The following GRIN2C variants were observed in gnomAD, a reference collection of about 807,000 sequenced individuals.
GRIN2C encodes glutamate receptor ionotropic, NMDA 2C.
GRIN2C carries 64 observed loss-of-function variants against 77.7 expected under a neutral mutation model. The observed-to-expected ratio is 0.82, with a 90% CI of 0.67 to 1.01. GRIN2C has a LOEUF of 1.01. Ranked by LOEUF, GRIN2C falls within the 50% of genes least tolerant of loss-of-function variation. GRIN2C has a pLI of 0.00. For missense variants in GRIN2C, 1,549 were observed against 1,486.0 expected, an observed-to-expected ratio of 1.04 and a Z score of -0.70; for synonymous variants, 792 against 643.4, an observed-to-expected ratio of 1.23 and a Z score of -3.49.
In GRIN2C at chr17:74,852,363, C is replaced by T. The variant is rs756610419; in HGVS notation, c.648G>A (p.Leu216=). The T allele has an allele frequency of 1.4e-5, 20 of 1,452,074 alleles. No homozygotes were observed. The highest frequency in any genetic ancestry group is 1.7e-5 in the Non-Finnish European group (19 of 1,110,250). 89.9% of individuals were successfully genotyped at this position (1,452,074 alleles called of 1,614,324 possible). The stretch of plus-strand genomic sequence containing the variant: ...CAAACACGGGCGCGTCGAGCTGGCG[C>T]AGCAGGCGCTGCGTGCGCGCGCGCG... The part of the protein sequence containing the change: ...GGPRARTQRL[L]RQLDAPVFVA... The change falls in exon 3 of 13, where the codon CTG becomes CTA. Residue 216 remains leucine (L), a synonymous_variant. Coordinates refer to ENST00000293190, the MANE Select transcript of GRIN2C (RefSeq NM_000835.6).
Position 74,852,614 on chromosome 17 carries a change from G to T in GRIN2C, c.400-3C>A. 2.5e-6 allele frequency: 3 copies of T among 1,193,938 alleles called. No individual in the cohort carries two copies. Among genetic ancestry groups the T allele is most frequent in the Non-Finnish European group, 3.1e-6 (3 of 961,546 alleles). 74.0% of individuals were successfully genotyped at this position (1,193,938 alleles called of 1,614,324 possible). ...TGCAGGAAGGCGGAGCCCGGCTCCTGGGGGCGGGCGGGGCCTGAGCGGGGC... is the reference window on the plus strand; with the variant it reads ...TGCAGGAAGGCGGAGCCCGGCTCCTTGGGGCGGGCGGGGCCTGAGCGGGGC... On this transcript the variant is annotated splice_region_variant and splice_polypyrimidine_tract_variant and intron_variant, in intron 2 of 12. Transcript: ENST00000293190.
rs1472826917 is a variant in GRIN2C, at chr17:74,847,059, C to T, written c.2002-139G>A. ...AAGGTCTTAAAGGCTGTCCAGGCCA[C>T]TCCTGTGTTTTCCAAATGGAGACTC... is the stretch of plus-strand genomic sequence containing the variant. On this transcript the variant is annotated intron_variant, in intron 9 of 12. Transcript: ENST00000293190. This position sits in a 1 kb window ranked among gnomAD's most constrained non-coding sequence, Gnocchi z 5.2. 1 of 912,750 alleles carries T rather than the reference C, an allele frequency of 1.1e-6. No homozygotes were observed. Among genetic ancestry groups the T allele is most frequent in the Admixed American group, 2.7e-5 (1 of 36,412 alleles). 56.5% of individuals were successfully genotyped at this position (912,750 alleles called of 1,614,324 possible).
Position 74,842,457 on chromosome 17 carries a change from G to T in GRIN2C, c.3680C>A (p.Ser1227Tyr), listed in dbSNP as rs371161361. 1.3e-5 allele frequency: 10 copies of T among 775,504 alleles called. No individual in the cohort carries two copies. The African/African-American group carries it at 1.7e-4, about 13-fold the overall frequency. 48.0% of individuals were successfully genotyped at this position (775,504 alleles called of 1,614,324 possible). A position where few individuals can be genotyped will look rare whatever the true frequency, so the allele number is the denominator to read the frequency against. Residue 1227 changes from serine (S) to tyrosine (Y), a missense_variant, in exon 13 of 13, where the codon TCC becomes TAC. Ser to Tyr is a moderately radical substitution (Grantham distance 144). Transcript: ENST00000293190. ...AACTCACACTTCTGACTCCAGACTG[G>T]AGATCCGTCTCCAGGTGCAGGGTCC... ...FPGPCTWRRI[S>Y]SLESEV
chr17:74,843,178 G>T lies in GRIN2C; in HGVS notation c.2959C>A (p.Pro987Thr), dbSNP rs2037349277. ...GACACTCGGGAGACGTCGGACAGGG[G>T]CGGCCCCGGCGTCGGGGGGCGGCCC... Reference protein sequence around the residue: ...PPGRPPTPGPPLSDVSRVSRR... With the variant: ...PPGRPPTPGPTLSDVSRVSRR... The change falls in exon 13 of 13, where the codon CCC (proline) becomes ACC (threonine). Residue 987 changes from proline to threonine, a missense_variant. Physicochemically the swap from Pro to Thr is conservative, Grantham distance 38 (BLOSUM62 -1). Transcript: ENST00000293190. 3 of 410,484 alleles carry T rather than the reference G, an allele frequency of 7.3e-6. No individual in the cohort carries two copies. Among genetic ancestry groups the T allele is most frequent in the African/African-American group, 2.1e-5 (1 of 48,250 alleles). 25.4% of individuals were successfully genotyped at this position (410,484 alleles called of 1,614,324 possible).
intron 2 of GRIN2C, chr17:74,853,339 AG>A (rs1214785074): frequency 6.6e-6 from 1 of 152,248 alleles, no homozygotes; most frequent in Non-Finnish European, 1.5e-5. Context: ...CAAGGAAAAA[AG>A]AGAGACAGAC....
At position 74,847,502 on chromosome 17, in the gene GRIN2C, C is replaced by T. The variant is rs1378331673; in HGVS notation, c.1807G>A (p.Val603Met). ...GGPAFTIGKS[V>M]WLLWALVFNN... ...AAGACCAGCGCCCACAGCAGCCACA[C>T]GGACTTGCCGATAGTGAAAGCTGGG... Residue 603 changes from valine to methionine, a missense_variant, in exon 9 of 13, where the codon GTG becomes ATG. Transcript: ENST00000293190. The surrounding 1 kb of genome is among the most constrained non-coding windows in gnomAD (Gnocchi z 5.2). The T allele has an allele frequency of 3.7e-6, 6 of 1,613,768 alleles. No homozygotes were observed. Among genetic ancestry groups the T allele is most frequent in the South Asian group, 3.3e-5 (3 of 91,082 alleles).
upstream of GRIN2C, chr17:74,861,431 G>A (rs2037952916): frequency 1.3e-5 from 2 of 152,076 alleles, no homozygotes; most frequent in Admixed American, 6.6e-5. Flanking sequence ...CACTTACCGA[G>A]GGGAAGGGGC....
At chr17:74,845,934 G>C in intron 11 of GRIN2C, 132 bp downstream of exon 11, 1 of 808,950 alleles carries the variant, frequency 1.2e-6, no homozygotes, top group South Asian at 1.5e-5. Flanking sequence ...GCCCACCTCA[G>C]CTGCCCCAAC....
At position 74,849,671 on chromosome 17, in the gene GRIN2C, G is replaced by T. The variant is rs1464277243; in HGVS notation, c.1645+109C>A. On this transcript the variant is annotated intron_variant, in intron 7 of 12. Coordinates refer to ENST00000293190, the MANE Select transcript of GRIN2C (RefSeq NM_000835.6). The surrounding 1 kb of genome is among the most constrained non-coding windows in gnomAD (Gnocchi z 4.6). ...AACCTCCAAGACCCAAGGCTGCTGT[G>T]CTTGGCCTGTGAGAGCCCACCCAAC... 2 of 1,002,192 alleles carry T rather than the reference G, an allele frequency of 2.0e-6. No homozygotes were observed. Among genetic ancestry groups the T allele is most frequent in the Non-Finnish European group, 3.0e-6 (2 of 674,838 alleles). 62.1% of individuals were successfully genotyped at this position (1,002,192 alleles called of 1,614,324 possible).
rs2037652394 is a variant in GRIN2C, at chr17:74,851,734, G to A, written c.999-43C>T. The A allele has an allele frequency of 2.4e-6, 3 of 1,252,868 alleles. No individual in the cohort carries two copies. In the East Asian group the frequency reaches 7.6e-5, roughly 32 times the overall value. 77.6% of individuals were successfully genotyped at this position (1,252,868 alleles called of 1,614,324 possible). A position where few individuals can be genotyped will look rare whatever the true frequency, so the allele number is the denominator to read the frequency against. Reference sequence around the variant, plus strand: ...TGCCTGCAGCCCTGCCAAGGACCAGGCACCCCCTGCCTCTGCCTCACCGCC... The same window carrying A: ...TGCCTGCAGCCCTGCCAAGGACCAGACACCCCCTGCCTCTGCCTCACCGCC... On this transcript the variant is annotated intron_variant, in intron 3 of 12. Coordinates refer to ENST00000293190, the MANE Select transcript of GRIN2C (RefSeq NM_000835.6).
chr17:74,850,184 G>C lies in GRIN2C; in HGVS notation c.1491+22C>G. On this transcript the variant is annotated intron_variant, in intron 6 of 12. Coordinates refer to ENST00000293190, the MANE Select transcript of GRIN2C (RefSeq NM_000835.6). This position sits in a 1 kb window ranked among gnomAD's most constrained non-coding sequence, Gnocchi z 5.3. ...CAGGTGGGCAGGCAGGGCAGGTGAG[G>C]AGGGAGTGGGGTGGGGCCTACCTCC... 1 of 1,611,936 alleles carries C rather than the reference G, an allele frequency of 6.2e-7. No individual in the cohort carries two copies. The highest frequency in any genetic ancestry group is 8.5e-7 in the Non-Finnish European group (1 of 1,179,446).
At position 74,846,845 on chromosome 17, in the gene GRIN2C, G is replaced by A. The variant is rs371494960; in HGVS notation, c.2077C>T (p.Arg693Cys). 7.7e-5 allele frequency: 125 copies of A among 1,614,030 alleles called. 1 individual carries two copies. Among genetic ancestry groups the A allele is most frequent in the Middle Eastern group, 1.6e-4 (1 of 6,084 alleles). ...GTGTGCATGTCACGGTAGTTACTGCGGATGTTCCGCTCCGTGCTGCCGTTG... is the reference window on the plus strand; with the variant it reads ...GTGTGCATGTCACGGTAGTTACTGCAGATGTTCCGCTCCGTGCTGCCGTTG... Reference protein sequence around the residue: ...VPNGSTERNIRSNYRDMHTHM... With the variant: ...VPNGSTERNICSNYRDMHTHM... Residue 693 changes from arginine (R) to cysteine (C), a missense_variant, in exon 10 of 13, where the codon CGC (arginine) becomes TGC (cysteine). Transcript: ENST00000293190. The surrounding 1 kb of genome is among the most constrained non-coding windows in gnomAD (Gnocchi z 4.4).
chr17:74,860,161 C>A (rs577897170), upstream of GRIN2C, among the ~76,000 whole-genome samples: 2 of 152,274 alleles, frequency 1.3e-5, no homozygotes, highest in South Asian at 4.1e-4. Flanking sequence ...GCCTACCTGC[C>A]CCTGGCACGC....
At chr17:74,844,654 G>T (rs2037403356) in intron 11 of GRIN2C, 146 bp from the exon 12 acceptor site, 2 of 1,417,454 alleles carry the variant, frequency 1.4e-6, no homozygotes, top group Admixed American at 5.3e-5. Flanking sequence ...TGGGGATCCA[G>T]CCTGGCTGGA....
chr17:74,861,495 C>T (rs1227514055), upstream of GRIN2C: 2 of 151,786 alleles, frequency 1.3e-5, no homozygotes, highest in African/African-American at 2.4e-5. Flanking sequence ...GTGTCTGTCC[C>T]AGAGCCTCGG....
rs762239184 is a variant in GRIN2C, at chr17:74,842,601, G to C, written c.3536C>G (p.Ser1179Cys). The C allele has an allele frequency of 2.6e-6, 2 of 765,510 alleles. No individual in the cohort carries two copies. The highest frequency in any genetic ancestry group is 4.9e-6 in the Non-Finnish European group (2 of 411,336). The allele number at this position is 765,510 out of a possible 1,614,324, so 47.4% of individuals were successfully genotyped here. The change falls in exon 13 of 13, where the codon TCC becomes TGC. Residue 1179 changes from serine (S) to cysteine (C), a missense_variant. By Grantham distance (112) the Ser-to-Cys change is moderately radical. Coordinates refer to ENST00000293190, the MANE Select transcript of GRIN2C (RefSeq NM_000835.6). ...PPCASHGSWL[S>C]GAWGPLGHRG... is the part of the protein sequence containing the mutation. ...GTGCCCCAGAGGCCCCCAGGCCCCG[G>C]AGAGCCAGGAGCCGTGGCTGGCACA... is the stretch of plus-strand genomic sequence containing the variant.
In GRIN2C at chr17:74,849,946, C is replaced by T. The variant is rs201556553; in HGVS notation, c.1492-13G>A. On this transcript the variant is annotated splice_polypyrimidine_tract_variant and intron_variant, in intron 6 of 12. Transcript: ENST00000293190. The surrounding 1 kb of genome is among the most constrained non-coding windows in gnomAD (Gnocchi z 4.6). ...GCTTGTAGTACACCTGGGGGCCGGA[C>T]GCCACGGAGGTTTGAAAAAGGGGCT... The T allele has an allele frequency of 2.5e-6, 4 of 1,608,876 alleles. No homozygotes were observed. Among genetic ancestry groups the T allele is most frequent in the East Asian group, 4.5e-5 (2 of 44,860 alleles).
At position 74,850,116 on chromosome 17, in the gene GRIN2C, C is replaced by T; in HGVS notation, c.1491+90G>A. 3 of 1,462,792 alleles carry T rather than the reference C, an allele frequency of 2.1e-6. No individual in the cohort carries two copies. Among genetic ancestry groups the T allele is most frequent in the Non-Finnish European group, 2.8e-6 (3 of 1,059,254 alleles). The allele number at this position is 1,462,792 out of a possible 1,614,324, so 90.6% of individuals were successfully genotyped here. A position where few individuals can be genotyped will look rare whatever the true frequency, so the allele number is the denominator to read the frequency against. ...AGTCATCATTGGTGACAGCCCATGC[C>T]CCCCTCTAGAGGGCATCTGAGAGCC... On this transcript the variant is annotated intron_variant, in intron 6 of 12. Coordinates refer to ENST00000293190, the MANE Select transcript of GRIN2C (RefSeq NM_000835.6). The surrounding 1 kb of genome is among the most constrained non-coding windows in gnomAD (Gnocchi z 5.3).
rs377109669 is a variant in GRIN2C, at chr17:74,846,016, C to A, written c.2350+50G>T. 8 of 1,535,724 alleles carry A rather than the reference C, an allele frequency of 5.2e-6. No individual in the cohort carries two copies. In the East Asian group the frequency reaches 1.4e-4, roughly 26 times the overall value. The stretch of plus-strand genomic sequence containing the variant: ...TGAGTGGTGGTGGAAATGCTGACAA[C>A]CTTGGGCTCCACAGCCCACCCTGGG... On this transcript the variant is annotated intron_variant, in intron 11 of 12. Transcript: ENST00000293190. This position sits in a 1 kb window ranked among gnomAD's most constrained non-coding sequence, Gnocchi z 4.4.
Sources: allele counts gnomAD v4.1 joint callset (sites outside exome capture counted in the v4.1 genomes callset), GRCh38; gene constraint gnomAD v4.1.1; non-coding constraint Gnocchi (gnomAD v3.1); transcripts MANE v1.5; gene names NCBI Gene and HGNC (gene_info 2026-07-23, HGNC 2026-07-21).